Variants in LGI1 observed in about 807,000 individuals in gnomAD.
LGI1 encodes leucine-rich glioma-inactivated protein 1.
LGI1 carries 11 observed loss-of-function variants against 57.7 expected under a neutral mutation model. The observed-to-expected ratio is 0.19, with a 90% CI of 0.12 to 0.32. LGI1 has a LOEUF of 0.32. Among genes scored for constraint, LGI1 ranks in the 10% least tolerant of loss-of-function variants. The pLI is 1.00. For synonymous variants in LGI1, 222 were observed against 241.9 expected, an observed-to-expected ratio of 0.92 and a Z score of 0.76; for missense variants, 422 against 661.9, an observed-to-expected ratio of 0.64 and a Z score of 3.98.
chr10:93,766,258 C>T (rs1248593413), intron 2 of LGI1, among the ~76,000 whole-genome samples: 1 of 152,050 alleles, frequency 6.6e-6, no homozygotes, highest in Non-Finnish European at 1.5e-5. Context: ...CAGGTGCTTG[C>T]ATGTGTAAAA....
chr10:93,770,785 C>A (rs2059728623), intron 2 of LGI1: 1 of 151,636 alleles, frequency 6.6e-6, no homozygotes, highest in Admixed American at 6.6e-5. Flanking sequence ...ATTATGAAAG[C>A]TTTTTTTTAA....
intron 2 of LGI1, chr10:93,762,644 C>T (rs1005471197): frequency 2.0e-5 from 3 of 152,218 alleles, no homozygotes; most frequent in Admixed American, 6.5e-5. Flanking sequence ...CAGCTGATGC[C>T]CCCATGATGG....
intron 4 of LGI1, among the ~76,000 whole-genome samples, chr10:93,786,307 C>T (rs7069539): frequency 0.41 from 18,818 of 46,458 alleles, 7,263 homozygotes; most frequent in African/African-American, 0.5. Context: ...TGCAGCCAAA[C>T]GATTGATTTC....
At chr10:93,764,126 AG>A (rs1359991698) in intron 2 of LGI1, 1 of 152,206 alleles carries the variant, frequency 6.6e-6, no homozygotes, top group Non-Finnish European at 1.5e-5. Context: ...GGCTTTGTGA[AG>A]GACACAAAGA....
At position 93,758,393 on chromosome 10, in the gene LGI1, C is replaced by T. The variant is rs372270625; in HGVS notation, c.215+34C>T. 36 of 1,595,288 alleles carry T rather than the reference C, an allele frequency of 2.3e-5. No individual in the cohort carries two copies. The highest frequency in any genetic ancestry group is 1.5e-4 in the African/African-American group (11 of 74,512). ...CGTAAGCATTTTGATATCTAATTTA[C>T]GATTTAAAAATTCCAGCCGGTGGAT... is the stretch of plus-strand genomic sequence containing the variant. On this transcript the variant is annotated intron_variant, in intron 1 of 7. Transcript: ENST00000371418. The surrounding 1 kb of genome is among the most constrained non-coding windows in gnomAD (Gnocchi z 4.7).
intron 2 of LGI1, chr10:93,765,431 C>G (rs960152385): frequency 6.6e-6 from 1 of 152,206 alleles, no homozygotes; most frequent in Non-Finnish European, 1.5e-5. Flanking sequence ...TAAAAATCCT[C>G]TGCTCCAACT....
intron 2 of LGI1, among the ~76,000 whole-genome samples, chr10:93,776,703 G>A (rs903083798): frequency 6.6e-6 from 1 of 152,140 alleles, no homozygotes; most frequent in Non-Finnish European, 1.5e-5. Context: ...GGTGTGGGAT[G>A]GCTGATTGAT....
chr10:93,781,516 C>T (rs1249268575), intron 4 of LGI1, among the ~76,000 whole-genome samples: 2 of 152,074 alleles, frequency 1.3e-5, no homozygotes, highest in African/African-American at 4.8e-5. Context: ...TAAGTCCTTT[C>T]AAAGCCTGTC....
At chr10:93,762,007 C>T (rs1294676450) in intron 2 of LGI1, among the ~76,000 whole-genome samples, 2 of 152,198 alleles carry the variant, frequency 1.3e-5, no homozygotes, top group African/African-American at 2.4e-5. Context: ...GATATGGGCT[C>T]ATGATGGAAG....
intron 2 of LGI1, among the ~76,000 whole-genome samples, chr10:93,773,451 C>T (rs1189514200): frequency 6.6e-6 from 1 of 152,124 alleles, no homozygotes; most frequent in Non-Finnish European, 1.5e-5. Flanking sequence ...ATAGATCTTA[C>T]CTGCTTTACT....
intron 2 of LGI1, among the ~76,000 whole-genome samples, chr10:93,766,154 G>A (rs1160048629): frequency 3.3e-5 from 5 of 152,164 alleles, no homozygotes; most frequent in Non-Finnish European, 7.4e-5. Flanking sequence ...GGCTCTCCCT[G>A]TGGTGGTTGA....
chr10:93,784,256 C>T (rs2059877132), intron 4 of LGI1, among the ~76,000 whole-genome samples: 1 of 152,182 alleles, frequency 6.6e-6, no homozygotes. Context: ...CCTAGTGTGA[C>T]CTCCATGCCC....
At chr10:93,765,651 A>G (rs145351269) in intron 2 of LGI1, 1 of 152,326 alleles carries the variant, frequency 6.6e-6, no homozygotes, top group East Asian at 1.9e-4. Context: ...ACGTTAATAT[A>G]ATATAGAAAT....
chr10:93,760,309 GAT>G (rs553786917), intron 2 of LGI1, among the ~76,000 whole-genome samples: 31 of 152,342 alleles, frequency 2.0e-4, no homozygotes, highest in African/African-American at 6.7e-4. Flanking sequence ...ATCCAAAAAA[GAT>G]AGATTCTTTC....
intron 2 of LGI1, among the ~76,000 whole-genome samples, chr10:93,774,142 C>T (rs1020643859): frequency 2.5e-4 from 38 of 152,144 alleles, no homozygotes; most frequent in African/African-American, 8.4e-4. Flanking sequence ...AGCAGAGACC[C>T]CTTGGTCACC....
intron 2 of LGI1, among the ~76,000 whole-genome samples, chr10:93,759,617 A>G (rs906349993): frequency 6.6e-6 from 1 of 152,210 alleles, no homozygotes; most frequent in Non-Finnish European, 1.5e-5. Context: ...GTCTCCCAGG[A>G]CTCAGGTATC....
intron 4 of LGI1, among the ~76,000 whole-genome samples, chr10:93,777,959 C>T (rs1285233594): frequency 6.6e-6 from 1 of 152,134 alleles, no homozygotes. Flanking sequence ...TTTTTTCCCT[C>T]TATAAGCCCT....
Position 93,758,219 on chromosome 10 carries a change from C to T in LGI1, c.75C>T (p.Leu25=), listed in dbSNP as rs144700062. 5.0e-6 allele frequency: 8 copies of T among 1,614,058 alleles called. No homozygotes were observed. The African/African-American group carries it at 9.3e-5, about 19-fold the overall frequency. The change falls in exon 1 of 8, where the codon CTC becomes CTT. Residue 25 remains leucine, a synonymous_variant. Transcript: ENST00000371418. This position sits in a 1 kb window ranked among gnomAD's most constrained non-coding sequence, Gnocchi z 4.7. ...PLKRIAYFLC[L]LSALLLTEGK... Reference sequence around the variant, plus strand: ...AAAGAATTGCTTATTTCCTATGTCTCTTATCTGCGCTTTTGCTGACTGAGG... The same window carrying T: ...AAAGAATTGCTTATTTCCTATGTCTTTTATCTGCGCTTTTGCTGACTGAGG...
chr10:93,790,211 G>T, intron 5 of LGI1, 41 bp downstream of exon 5: 2 of 1,484,022 alleles, frequency 1.3e-6, no homozygotes, highest in Admixed American at 1.8e-5. Context: ...TAATTAATTT[G>T]CAGTCATTAA....
Sources: allele counts gnomAD v4.1 joint callset (sites outside exome capture counted in the v4.1 genomes callset), GRCh38; gene constraint gnomAD v4.1.1; non-coding constraint Gnocchi (gnomAD v3.1); transcripts MANE v1.5; gene names NCBI Gene and HGNC (gene_info 2026-07-23, HGNC 2026-07-21).